SLC25A48: variants seen among roughly 807,000 people sequenced by gnomAD.
The protein encoded by SLC25A48 is CTC-321K16.1.
In SLC25A48, 29 loss-of-function variants were observed where a neutral mutation model predicts 32.2. The observed-to-expected ratio is 0.90, with a 90% CI of 0.67 to 1.23. The LOEUF is 1.23. Among genes scored for constraint, SLC25A48 ranks in the 50% most tolerant of loss-of-function variants. SLC25A48 has a pLI of 0.00. For missense variants in SLC25A48, 399 were observed against 422.7 expected, an observed-to-expected ratio of 0.94 and a Z score of 0.49; for synonymous variants, 164 against 172.3, an observed-to-expected ratio of 0.95 and a Z score of 0.38.
chr5:135,724,090 C>T (rs1012084833), intron 3 of SLC25A48, among the ~76,000 whole-genome samples: 3 of 152,204 alleles, frequency 2.0e-5, no homozygotes, highest in African/African-American at 7.2e-5. Context: ...CAGAGACTGT[C>T]CTTTTCAATG....
At chr5:135,849,832 T>C (rs1759694940) in intron 2 of SLC25A48, among the ~76,000 whole-genome samples, 1 of 152,028 alleles carries the variant, frequency 6.6e-6, no homozygotes, top group African/African-American at 2.4e-5. Context: ...GGAGAGGAGA[T>C]GGCATGTGGG....
chr5:135,671,472 C>G (rs539600136), intron 3 of SLC25A48, among the ~76,000 whole-genome samples: 3 of 152,154 alleles, frequency 2.0e-5, no homozygotes. Context: ...AGAGGTTCCT[C>G]TTTTGTCTTC....
chr5:135,761,034 T>C (rs1756047776), intron 3 of SLC25A48, among the ~76,000 whole-genome samples: 1 of 152,124 alleles, frequency 6.6e-6, no homozygotes, highest in Non-Finnish European at 1.5e-5. Context: ...GCATGGTGGC[T>C]CATTCCTGTA....
Position 135,755,858 on chromosome 5 carries a change from G to GAAATATCA in SLC25A48, c.-520-56665_-520-56664insAAATATCA, listed in dbSNP as rs61696758. Among the ~76,000 whole-genome samples the GAAATATCA allele has an allele frequency of 4.0e-4, 60 of 151,626 alleles. No homozygotes were observed. In the East Asian group the frequency reaches 0.011, roughly 27 times the overall value. ...TGCAGTGTAGTATTAATGAAATATC[G>GAAATATCA]CTGTGATATTTATCATATCATATTT... On this transcript the variant is annotated intron_variant, in intron 3 of 10. Transcript: ENST00000646290.
At chr5:135,715,250 C>T (rs1450028219) in intron 3 of SLC25A48, among the ~76,000 whole-genome samples, 1 of 152,206 alleles carries the variant, frequency 6.6e-6, no homozygotes, top group Non-Finnish European at 1.5e-5. Flanking sequence ...CTTGTCTAGG[C>T]TGGGGTTTCT....
intron 3 of SLC25A48, among the ~76,000 whole-genome samples, chr5:135,667,427 G>A (rs1382338321): frequency 6.6e-6 from 1 of 152,156 alleles, no homozygotes; most frequent in African/African-American, 2.4e-5. Context: ...AATTTCACCA[G>A]TGCTGCAACT....
chr5:135,885,273 C>G (rs1762674315), intron 7 of SLC25A48, among the ~76,000 whole-genome samples: 1 of 152,110 alleles, frequency 6.6e-6, no homozygotes, highest in African/African-American at 2.4e-5. Context: ...CATCCAGTGC[C>G]AGGCATACAA....
intron 6 of SLC25A48, among the ~76,000 whole-genome samples, chr5:135,877,123 G>A (rs1334149438): frequency 6.6e-6 from 1 of 152,132 alleles, no homozygotes; most frequent in Non-Finnish European, 1.5e-5. Flanking sequence ...TTTGTGGTGG[G>A]GAAAATCAAA....
chr5:135,653,925 T>C (rs73283274), intron 3 of SLC25A48: 5,346 of 456,188 alleles, frequency 0.012, 240 homozygotes, highest in African/African-American at 0.095. Flanking sequence ...ATAGGGAATG[T>C]TGTTCTCTCT....
intron 3 of SLC25A48, among the ~76,000 whole-genome samples, chr5:135,700,371 C>CAAAAAAAAAAAAA (rs34125451): frequency 5.9e-5 from 4 of 67,944 alleles, no homozygotes; most frequent in Admixed American, 2.1e-4. Context: ...GACTCTGTCT[C>CAAAAAAAAAAAAA]AAAAAAAAAA....
Position 135,625,778 on chromosome 5 carries a change from A to G in SLC25A48, c.-848-3459A>G, listed in dbSNP as rs139692459. ...GAAGCAAGAATGCAGGAGACAAACC[A>G]CCCTAGACTCTCTCCTATAGTGCTG... On this transcript the variant is annotated intron_variant, in intron 1 of 10. Coordinates refer to the SLC25A48 transcript ENST00000646290. Among the ~76,000 whole-genome samples the G allele has an allele frequency of 5.3e-5, 8 of 152,200 alleles. No individual in the cohort carries two copies. The East Asian group carries it at 9.7e-4, about 18-fold the overall frequency.
At chr5:135,870,279 C>T (rs1486797941) in intron 4 of SLC25A48, among the ~76,000 whole-genome samples, 1 of 152,146 alleles carries the variant, frequency 6.6e-6, no homozygotes, top group Non-Finnish European at 1.5e-5. Flanking sequence ...TATGTTATTT[C>T]CTGGAGAAGG....
intron 3 of SLC25A48, among the ~76,000 whole-genome samples, chr5:135,685,125 AGTTTCAGTTTGAATTTCTCT>A (rs1298647332): frequency 2.0e-5 from 3 of 152,136 alleles, no homozygotes; most frequent in Non-Finnish European, 4.4e-5. Flanking sequence ...ATCTTGTGGT[AGTTTCAGTTTGAATTTCTCT>A]TTTTTATGCG....
intron 3 of SLC25A48, among the ~76,000 whole-genome samples, chr5:135,785,331 G>T (rs1756810348): frequency 6.6e-6 from 1 of 151,522 alleles, no homozygotes; most frequent in Non-Finnish European, 1.5e-5. Flanking sequence ...AGGGAGGGAG[G>T]GGCTGATTTA....
intron 3 of SLC25A48, among the ~76,000 whole-genome samples, chr5:135,667,770 T>C (rs1030569007): frequency 7.9e-5 from 12 of 152,242 alleles, no homozygotes; most frequent in African/African-American, 2.9e-4. Context: ...CCATAAAAAA[T>C]CCTGTCATTT....
intron 3 of SLC25A48, among the ~76,000 whole-genome samples, chr5:135,639,445 T>C (rs1478253868): frequency 1.3e-5 from 2 of 152,198 alleles, no homozygotes; most frequent in Non-Finnish European, 2.9e-5. Context: ...GGGTAGGATA[T>C]TGTAGATGAC....
rs756415069 is a variant in SLC25A48 at position 135,852,677 on chromosome 5, G to A, written c.277G>A (p.Gly93Arg). 6 of 1,613,974 alleles carry A rather than the reference G, an allele frequency of 3.7e-6. No homozygotes were observed. The Admixed American group carries it at 6.7e-5, about 18-fold the overall frequency. The change falls in exon 4 of 8, where the codon GGG becomes AGG. Residue 93 changes from glycine to arginine, a missense_variant. Gly to Arg is a moderately radical substitution (Grantham distance 125). Transcript: ENST00000681962. ...TQRFLSQHRC[G>R]EPEASPPRTL... is the part of the protein sequence containing the mutation. ...GCGGTTCCTCAGCCAGCACCGCTGC[G>A]GGGAGCCAGAGGCCAGTCCTCCCCG...
chr5:135,783,055 G>A (rs1756755329), intron 3 of SLC25A48, among the ~76,000 whole-genome samples: 1 of 116,108 alleles, frequency 8.6e-6, no homozygotes, highest in East Asian at 2.2e-4. Flanking sequence ...TAATTTCAAG[G>A]TGGGGAGAGG....
rs757412641 is a variant in SLC25A48 at position 135,721,192 on chromosome 5, C to CTTTTTTTTTTTTTTTTTTTTTT, written c.-521+86244_-521+86265dup. ...GAGTAGCTGGGACACCATGCCTGGC[C>CTTTTTTTTTTTTTTTTTTTTTT]TTTTTTTTTTTTTTTTTTTTTTTTT... On this transcript the variant is annotated intron_variant, in intron 3 of 10. Transcript: ENST00000646290. Among the ~76,000 whole-genome samples the CTTTTTTTTTTTTTTTTTTTTTT allele has an allele frequency of 4.1e-4, 22 of 53,884 alleles. 2 individuals carry two copies. The highest frequency in any genetic ancestry group is 7.6e-4 in the Non-Finnish European group (18 of 23,718). The allele number at this position is 53,884 out of a possible 152,430, so 35.3% of individuals were successfully genotyped here.
Sources: gnomAD v4.1 joint callset for allele counts (sites outside exome capture counted in the v4.1 genomes callset) on GRCh38, gnomAD v4.1.1 for gene constraint, MANE v1.5 for transcripts, NCBI Gene and HGNC (gene_info 2026-07-23, HGNC 2026-07-21) for gene names.